Variants in COL28A1 observed in about 807,000 individuals in gnomAD.
The protein encoded by COL28A1 is collagen type XXVIII alpha 1 chain, also known as collagen alpha-1(XXVIII) chain.
A neutral mutation model predicts 150.2 loss-of-function variants in COL28A1; 161 were observed. That is an observed-to-expected ratio of 1.07 (90% CI 0.94 to 1.22). The LOEUF (loss-of-function observed/expected upper bound fraction) is 1.22, where lower values mean the gene tolerates loss of function less well. Ranked by LOEUF, COL28A1 falls within the 50% of genes most tolerant of loss-of-function variation. The pLI, the probability that COL28A1 is intolerant of heterozygous loss-of-function variation, is 0.00. For missense variants in COL28A1, 1,617 were observed against 1,388.3 expected (o/e 1.16, Z -2.62); for synonymous variants, 552 against 469.7 (o/e 1.18, Z -2.26).
At chr7:7,359,800 T>C (rs1049344563) in intron 34 of COL28A1, among the ~76,000 whole-genome samples, 20 of 152,212 alleles carry the variant, frequency 1.3e-4, no homozygotes, top group African/African-American at 4.8e-4. Flanking sequence ...AAATGAGCCA[T>C]AGATTTCTAC....
chr7:7,452,247 A>G, intron 18 of COL28A1, 72 bp downstream of exon 18: 1 of 1,565,982 alleles, frequency 6.4e-7, no homozygotes, highest in Non-Finnish European at 8.6e-7. Flanking sequence ...CTGTAAGGCA[A>G]TTGGATATAA....
upstream of COL28A1, among the ~76,000 whole-genome samples, chr7:7,537,419 T>C (rs984751895): frequency 1.3e-5 from 2 of 152,206 alleles, no homozygotes; most frequent in African/African-American, 4.8e-5. Flanking sequence ...ATTTTTTTTC[T>C]CATCAATGTT....
chr7:7,377,632 T>C (rs537609233), intron 30 of COL28A1, among the ~76,000 whole-genome samples: 2 of 152,262 alleles, frequency 1.3e-5, no homozygotes, highest in South Asian at 2.1e-4. Flanking sequence ...ACAAGAAATG[T>C]TGGAGACAGA....
intron 15 of COL28A1, among the ~76,000 whole-genome samples, chr7:7,461,084 G>C (rs1467800596): frequency 6.6e-6 from 1 of 152,224 alleles, no homozygotes; most frequent in African/African-American, 2.4e-5. Flanking sequence ...AATATTGTGA[G>C]TGCCCAAACT....
chr7:7,504,031 C>A (rs548600489), intron 11 of COL28A1, among the ~76,000 whole-genome samples: 1 of 152,106 alleles, frequency 6.6e-6, no homozygotes, highest in African/African-American at 2.4e-5. Flanking sequence ...AAAATGACTC[C>A]TTTTATGATT....
chr7:7,338,959 G>T, the COL28A1 span, among the ~76,000 whole-genome samples: 1 of 151,944 alleles, frequency 6.6e-6, no homozygotes, highest in Non-Finnish European at 1.5e-5. Context: ...AGAGAAACAT[G>T]GCCCAGTTAC....
chr7:7,422,803 T>C (rs1342395670), intron 25 of COL28A1, among the ~76,000 whole-genome samples: 2 of 152,172 alleles, frequency 1.3e-5, no homozygotes, highest in Admixed American at 6.5e-5. Flanking sequence ...TCCTGCCGGC[T>C]ATTACTACCA....
intron 12 of COL28A1, among the ~76,000 whole-genome samples, chr7:7,490,258 T>C (rs1779845435): frequency 6.6e-6 from 1 of 152,208 alleles, no homozygotes; most frequent in Admixed American, 6.5e-5. Flanking sequence ...GTTAAGTTGT[T>C]TCACTTCCCA....
rs1371402810 is a variant in COL28A1 at position 7,432,267 on chromosome 7, A to G, written c.1998+206T>C. ...AAGCAGCAAAGGAATGCGAGTTGCT[A>G]TCAGAGAAGGAGGACCCAAACCATA... On this transcript the variant is annotated intron_variant, in intron 25 of 34. Coordinates refer to ENST00000399429, the MANE Select transcript of COL28A1 (RefSeq NM_001037763.3). Among the ~76,000 whole-genome samples, 3 of 152,220 alleles carry G rather than the reference A, an allele frequency of 2.0e-5. No homozygotes were observed. The South Asian group carries it at 6.2e-4, about 31-fold the overall frequency.
chr7:7,522,792 C>T (rs1026620634), intron 4 of COL28A1, among the ~76,000 whole-genome samples: 5 of 93,894 alleles, frequency 5.3e-5, no homozygotes, highest in African/African-American at 1.5e-4. Context: ...CTAACACTAA[C>T]GATAGCTGAA....
chr7:7,496,556 T>C (rs1218430966), intron 11 of COL28A1, among the ~76,000 whole-genome samples: 1 of 152,188 alleles, frequency 6.6e-6, no homozygotes, highest in Admixed American at 6.5e-5. Flanking sequence ...TTAATCTTTT[T>C]TTTTAGCTGA....
intron 1 of COL28A1, among the ~76,000 whole-genome samples, chr7:7,534,333 A>G (rs1782530479): frequency 6.6e-6 from 1 of 152,230 alleles, no homozygotes; most frequent in Admixed American, 6.5e-5. Context: ...AAGGAAACAG[A>G]ACACACAAAG....
At chr7:7,472,706 C>A (rs1253832253) in intron 15 of COL28A1, among the ~76,000 whole-genome samples, 2 of 152,022 alleles carry the variant, frequency 1.3e-5, no homozygotes, top group Non-Finnish European at 2.9e-5. Flanking sequence ...AAAAAGAGCC[C>A]ACATAGCCAA....
chr7:7,523,362 G>T (rs1047885779), intron 4 of COL28A1, among the ~76,000 whole-genome samples: 4 of 151,760 alleles, frequency 2.6e-5, no homozygotes, highest in Non-Finnish European at 4.4e-5. Flanking sequence ...GTTTCAGCAT[G>T]TTGGCCAGGA....
chr7:7,412,339 T>C (rs10248825), intron 27 of COL28A1, among the ~76,000 whole-genome samples: 22,133 of 152,030 alleles, frequency 0.15, 1,824 homozygotes, highest in Middle Eastern at 0.22. Flanking sequence ...AACACACACA[T>C]TGGACGGTTA....
At chr7:7,432,576 C>CT in intron 24 of COL28A1, 35 bp from the exon 25 acceptor site, 1 of 1,611,710 alleles carries the variant, frequency 6.2e-7, no homozygotes, top group Non-Finnish European at 8.5e-7. Context: ...AGTGAGCATC[C>CT]TTGTAGTATG....
At chr7:7,486,314 C>T (rs971482901) in intron 13 of COL28A1, among the ~76,000 whole-genome samples, 1 of 152,126 alleles carries the variant, frequency 6.6e-6, no homozygotes, top group African/African-American at 2.4e-5. Context: ...TTGCTGAACT[C>T]ACTTGTTAAT....
chr7:7,400,823 T>C (rs1486338999), intron 27 of COL28A1, among the ~76,000 whole-genome samples: 1 of 152,162 alleles, frequency 6.6e-6, no homozygotes, highest in South Asian at 2.1e-4. Context: ...AAATTTCTTA[T>C]TTTAAAATCA....
At chr7:7,413,054 G>T (rs1783873706) in intron 27 of COL28A1, among the ~76,000 whole-genome samples, 1 of 151,988 alleles carries the variant, frequency 6.6e-6, no homozygotes. Context: ...TCTATTTATG[G>T]GCTTCAGATG....
Sources: gnomAD v4.1 joint callset for allele counts (sites outside exome capture counted in the v4.1 genomes callset) on GRCh38, gnomAD v4.1.1 for gene constraint, MANE v1.5 for transcripts, NCBI Gene and HGNC (gene_info 2026-07-23, HGNC 2026-07-21) for gene names.